TRIM25: variants seen among roughly 807,000 people sequenced by gnomAD.
The protein encoded by TRIM25 is tripartite motif containing 25, also known as E3 ubiquitin/ISG15 ligase TRIM25.
In TRIM25, 45 loss-of-function variants were observed where a neutral mutation model predicts 65.2. The ratio of observed to expected loss-of-function variants is 0.69; its 90% CI spans 0.54 to 0.89. The LOEUF (loss-of-function observed/expected upper bound fraction) is 0.89, where lower values mean the gene tolerates loss of function less well. Ranked by LOEUF, TRIM25 falls within the 40% of genes least tolerant of loss-of-function variation. The pLI is 0.00. For synonymous variants in TRIM25, 321 were observed against 340.4 expected (o/e 0.94, Z 0.63); for missense variants, 714 against 803.7 (o/e 0.89, Z 1.35).
rs1168579271 is a variant in TRIM25, at chr17:56,904,487, A to C, written c.695T>G (p.Met232Arg). The change falls in exon 3 of 9, where the codon ATG becomes AGG. Residue 232 changes from methionine to arginine, a missense_variant and splice_region_variant. This residue lies in a region of TRIM25 where 413 missense variants were observed against 498.2 expected (regional missense o/e 0.83). Transcript: ENST00000316881. The stretch of plus-strand genomic sequence containing the variant: ...CTGCTCCACCTTTCTGTTTGCAGTC[A>C]TCTGAGAGGGCCAAGGTAAGAGGAT... The part of the protein sequence containing the change: ...DVRNRQQDVR[M>R]TANRKVEQLQ... 4.9e-5 allele frequency: 79 copies of C among 1,613,844 alleles called. No individual in the cohort carries two copies. The highest frequency in any genetic ancestry group is 6.7e-5 in the Non-Finnish European group (79 of 1,179,978).
In TRIM25 at chr17:56,913,077, C is replaced by T. The variant is rs1019956813; in HGVS notation, c.597+315G>A. 6 of 229,228 alleles carry T rather than the reference C, an allele frequency of 2.6e-5. No homozygotes were observed. The highest frequency in any genetic ancestry group is 5.8e-5 in the Admixed American group (1 of 17,380). 14.2% of individuals were successfully genotyped at this position (229,228 alleles called of 1,614,324 possible). On this transcript the variant is annotated intron_variant, in intron 1 of 8. Coordinates refer to ENST00000316881, the MANE Select transcript of TRIM25 (RefSeq NM_005082.5). This position sits in a 1 kb window ranked among gnomAD's most constrained non-coding sequence, Gnocchi z 6.1. ...ATCCCTTAAGCCCGGGAAGTCGAGG[C>T]TGCAGTGAGCTGTGATTCCGCCACT...
Position 56,913,376 on chromosome 17 carries a change from G to A in TRIM25, c.597+16C>T. 1 of 1,545,540 alleles carries A rather than the reference G, an allele frequency of 6.5e-7. No homozygotes were observed. Among genetic ancestry groups the A allele is most frequent in the Non-Finnish European group, 8.8e-7 (1 of 1,141,370 alleles). On this transcript the variant is annotated intron_variant, in intron 1 of 8. Coordinates refer to ENST00000316881, the MANE Select transcript of TRIM25 (RefSeq NM_005082.5). This position sits in a 1 kb window ranked among gnomAD's most constrained non-coding sequence, Gnocchi z 6.1. ...CAGGCCAGGCTGCCCTCTGCACCCA[G>A]CAGGCCGTTCCCTACCTCCAGGTCG...
chr17:56,913,670 A>G lies in TRIM25; in HGVS notation c.319T>C (p.Cys107Arg). 6.3e-7 allele frequency: 1 copy of G among 1,594,164 alleles called. No homozygotes were observed. Among genetic ancestry groups the G allele is most frequent in the East Asian group, 2.2e-5 (1 of 44,492 alleles). Residue 107 changes from cysteine to arginine, a missense_variant, in exon 1 of 9, where the codon TGC (cysteine) becomes CGC (arginine). Physicochemically the swap from Cys to Arg is radical, Grantham distance 180. Coordinates refer to ENST00000316881, the MANE Select transcript of TRIM25 (RefSeq NM_005082.5). This position sits in a 1 kb window ranked among gnomAD's most constrained non-coding sequence, Gnocchi z 6.1. ...GCGGCCTCCTTCAGGCAGTGGTCGC[A>G]GGCCACCTGGGCATTCGGGCTGGGT... The part of the protein sequence containing the change: ...SAPSPNAQVA[C>R]DHCLKEAAVK...
intron 2 of TRIM25, among the ~76,000 whole-genome samples, chr17:56,907,649 C>G (rs754780187): frequency 2.2e-4 from 33 of 152,300 alleles, no homozygotes; most frequent in Non-Finnish European, 3.7e-4. Context: ...CACTATGATC[C>G]TTCTATAATA....
In TRIM25 at chr17:56,908,372, A is replaced by G. The variant is rs74508730; in HGVS notation, c.693+96T>C. 7.6e-4 allele frequency: 913 copies of G among 1,204,526 alleles called. 8 individuals are homozygous for G. The African/African-American group carries it at 0.012, about 16-fold the overall frequency. The allele number at this position is 1,204,526 out of a possible 1,614,324, so 74.6% of individuals were successfully genotyped here. A position where few individuals can be genotyped will look rare whatever the true frequency, so the allele number is the denominator to read the frequency against. ...CATCCTGACACTGTGAGTGCACCCA[A>G]CACCAGCCTTGTCATGGTCAGAGCC... On this transcript the variant is annotated intron_variant, in intron 2 of 8. Coordinates refer to ENST00000316881, the MANE Select transcript of TRIM25 (RefSeq NM_005082.5).
chr17:56,898,807 C>T (rs562777179), intron 5 of TRIM25, among the ~76,000 whole-genome samples: 1 of 152,290 alleles, frequency 6.6e-6, no homozygotes, highest in Non-Finnish European at 1.5e-5. Context: ...TAGCCTCCAC[C>T]CTTCCTGGAC....
intron 6 of TRIM25, 154 bp downstream of exon 6, chr17:56,895,772 C>A: frequency 8.3e-7 from 1 of 1,198,952 alleles, no homozygotes; most frequent in East Asian, 2.5e-5. Context: ...TGCTTGTCCT[C>A]CCCTCCAGCC....
rs1390020765 is a variant in TRIM25 at position 56,913,904 on chromosome 17, C to T, written c.85G>A (p.Gly29Ser). The change falls in exon 1 of 9, where the codon GGC (glycine) becomes AGC (serine). Residue 29 changes from glycine to serine, a missense_variant. Around this residue, in one of 3 missense-constraint regions of TRIM25, gnomAD observed 291 missense variants for 281.8 expected, o/e 1.03. Coordinates refer to ENST00000316881, the MANE Select transcript of TRIM25 (RefSeq NM_005082.5). The surrounding 1 kb of genome is among the most constrained non-coding windows in gnomAD (Gnocchi z 6.1). ...AGGCACGACCCGCAGAAGTTGTGGC[C>T]GCACGGAGTGGTGACCGGCTCCTTG... ...PFKEPVTTPC[G>S]HNFCGSCLNE... The T allele has an allele frequency of 2.5e-6, 4 of 1,569,414 alleles. No individual in the cohort carries two copies. In the African/African-American group the frequency reaches 4.1e-5, roughly 16 times the overall value.
intron 4 of TRIM25, 74 bp from the exon 5 acceptor site, chr17:56,899,254 G>GGTGGGCA (rs1909362678): frequency 1.3e-6 from 2 of 1,513,708 alleles, no homozygotes; most frequent in Non-Finnish European, 1.8e-6. Context: ...GCCATGGGTC[G>GGTGGGCA]GTGGGCAGGC....
intron 1 of TRIM25, chr17:56,908,782 CCAGGGTT>C: frequency 1.9e-6 from 1 of 517,696 alleles, no homozygotes; most frequent in Non-Finnish European, 3.5e-6. Flanking sequence ...ACAGTACAGA[CCAGGGTT>C]CCAGTCCCAA....
At chr17:56,909,903 A>G (rs1909594417) in intron 1 of TRIM25, among the ~76,000 whole-genome samples, 1 of 152,192 alleles carries the variant, frequency 6.6e-6, no homozygotes, top group Non-Finnish European at 1.5e-5. Flanking sequence ...CACCACCACC[A>G]TAACAGCAGC....
intron 2 of TRIM25, among the ~76,000 whole-genome samples, chr17:56,906,518 A>T (rs780204869): frequency 1.3e-5 from 2 of 152,010 alleles, no homozygotes; most frequent in Non-Finnish European, 2.9e-5. Flanking sequence ...TTTGAGATGA[A>T]GTTTCACTCT....
At chr17:56,911,070 G>A (rs578107606) in intron 1 of TRIM25, among the ~76,000 whole-genome samples, 2 of 152,184 alleles carry the variant, frequency 1.3e-5, no homozygotes, top group Non-Finnish European at 2.9e-5. Flanking sequence ...TTCAAGACCA[G>A]CCTGGACAAC....
chr17:56,898,933 T>C, intron 5 of TRIM25, 182 bp downstream of exon 5: 1 of 627,586 alleles, frequency 1.6e-6, no homozygotes, highest in South Asian at 1.9e-5. Context: ...CGTGCAATGC[T>C]GATGGACAGC....
At chr17:56,898,350 C>T (rs1357245324) in intron 5 of TRIM25, among the ~76,000 whole-genome samples, 4 of 151,456 alleles carry the variant, frequency 2.6e-5, no homozygotes, top group Non-Finnish European at 5.9e-5. Context: ...ATATGGACAT[C>T]TCAGTGGTAT....
At chr17:56,903,552 C>T (rs1383725650) in intron 3 of TRIM25, among the ~76,000 whole-genome samples, 1 of 152,084 alleles carries the variant, frequency 6.6e-6, no homozygotes, top group Non-Finnish European at 1.5e-5. Context: ...CTAAGATGGC[C>T]CTCAAGCCCC....
intron 3 of TRIM25, among the ~76,000 whole-genome samples, chr17:56,902,458 A>AC (rs905542628): frequency 9.8e-5 from 15 of 152,372 alleles, no homozygotes; most frequent in African/African-American, 2.9e-4. Flanking sequence ...ACCCAATGTT[A>AC]CTGTAGAAAC....
In TRIM25 at chr17:56,891,503, G is replaced by A. The variant is rs191298128; in HGVS notation, c.*197C>T. The A allele has an allele frequency of 8.7e-4, 604 of 692,956 alleles. 1 individual carries two copies. The highest frequency in any genetic ancestry group is 1.2e-3 in the Non-Finnish European group (507 of 427,530). 42.9% of individuals were successfully genotyped at this position (692,956 alleles called of 1,614,324 possible). ...CTGATAGGCACCAGGGGGTGGAAACGCCTCCTCGCCCACAACACAATCACT... is the reference window on the plus strand; with the variant it reads ...CTGATAGGCACCAGGGGGTGGAAACACCTCCTCGCCCACAACACAATCACT... On this transcript the variant is annotated 3_prime_UTR_variant, in exon 9 of 9. Coordinates refer to ENST00000316881, the MANE Select transcript of TRIM25 (RefSeq NM_005082.5).
chr17:56,913,647 G>A lies in TRIM25; in HGVS notation c.342C>T (p.Ala114=). 1.3e-6 allele frequency: 2 copies of A among 1,599,114 alleles called. No individual in the cohort carries two copies. The highest frequency in any genetic ancestry group is 1.7e-6 in the Non-Finnish European group (2 of 1,171,190). Residue 114 remains alanine, a synonymous_variant, in exon 1 of 9, where the codon GCC becomes GCT. Transcript: ENST00000316881. The surrounding 1 kb of genome is among the most constrained non-coding windows in gnomAD (Gnocchi z 6.1). ...QVACDHCLKE[A]AVKTCLVCMA... is the part of the protein sequence containing the mutation. ...TGCACACCAAGCACGTCTTCACGGC[G>A]GCCTCCTTCAGGCAGTGGTCGCAGG...
Sources: gnomAD v4.1 joint callset for allele counts (sites outside exome capture counted in the v4.1 genomes callset) on GRCh38, gnomAD v4.1.1 for gene constraint, gnomAD v4.1.1 regional missense constraint, Gnocchi (gnomAD v3.1) non-coding constraint, MANE v1.5 for transcripts, NCBI Gene and HGNC (gene_info 2026-07-23, HGNC 2026-07-21) for gene names.